The following B3GNT5 variants were observed in gnomAD, a reference collection of about 807,000 sequenced individuals.
B3GNT5 encodes lactosylceramide 1,3-N-acetyl-beta-D-glucosaminyltransferase.
A neutral mutation model predicts 25.9 loss-of-function variants in B3GNT5; 11 were observed. The observed-to-expected ratio is 0.42, with a 90% confidence interval of 0.27 to 0.70. The LOEUF is 0.70. Ranked by LOEUF, B3GNT5 falls within the 30% of genes least tolerant of loss-of-function variation. The pLI is 0.23. For synonymous variants in B3GNT5, 166 were observed against 158.6 expected (o/e 1.05, Z -0.35); for missense variants, 385 against 458.4 (o/e 0.84, Z 1.46).
chr3:183,258,645 C>A (rs1307250489), intron 1 of B3GNT5, among the ~76,000 whole-genome samples: 2 of 152,172 alleles, frequency 1.3e-5, no homozygotes, highest in African/African-American at 2.4e-5. Flanking sequence ...GACACCACCC[C>A]CCCGCCCCTG....
At chr3:183,257,108 CACAA>C (rs1389590611) in intron 1 of B3GNT5, among the ~76,000 whole-genome samples, 2 of 152,132 alleles carry the variant, frequency 1.3e-5, no homozygotes, top group South Asian at 2.1e-4. Context: ...GGTAAAGCTA[CACAA>C]ACAGATTCTA....
chr3:183,269,014 T>A (rs1159110005), intron 1 of B3GNT5, among the ~76,000 whole-genome samples: 2 of 150,670 alleles, frequency 1.3e-5, no homozygotes, highest in Non-Finnish European at 1.5e-5. Context: ...AACCTTAATT[T>A]AAAAAAAAAG....
At chr3:183,262,498 C>T (rs147311116) in intron 1 of B3GNT5, among the ~76,000 whole-genome samples, 64 of 152,122 alleles carry the variant, frequency 4.2e-4, no homozygotes, top group Middle Eastern at 3.4e-3. Flanking sequence ...ATACTGACTA[C>T]GGAGTTTTTG....
At chr3:183,253,831 C>G (rs1724744129) in intron 1 of B3GNT5, 1 of 152,304 alleles carries the variant, frequency 6.6e-6, no homozygotes, top group Non-Finnish European at 1.5e-5. Context: ...AGTCTGTGGT[C>G]AGTTACGTGG....
chr3:183,270,878 T>G lies in B3GNT5; in HGVS notation c.1080T>G (p.Ile360Met). The G allele has an allele frequency of 1.9e-6, 3 of 1,609,106 alleles. No individual in the cohort carries two copies. Among genetic ancestry groups the G allele is most frequent in the Non-Finnish European group, 2.5e-6 (3 of 1,178,466 alleles). ...GQIYCRLMKI[I>M]LLCKISYVDT... ...TATACTGCAGATTAATGAAGATAAT[T>G]CTCCTTTGTAAAATTAGCTATGTGG... The change falls in exon 2 of 2, where the codon ATT (isoleucine) becomes ATG (methionine). Residue 360 changes from isoleucine to methionine, a missense_variant. Ile to Met is a conservative substitution (Grantham distance 10, BLOSUM62 1). Transcript: ENST00000326505. This position sits in a 1 kb window ranked among gnomAD's most constrained non-coding sequence, Gnocchi z 4.5.
chr3:183,256,814 G>A (rs567787130), intron 1 of B3GNT5, among the ~76,000 whole-genome samples: 1 of 140,874 alleles, frequency 7.1e-6, no homozygotes, highest in East Asian at 2.0e-4. Flanking sequence ...TAATTGAAAT[G>A]TATTTTAAGT....
chr3:183,269,772 C>CCTAA lies in B3GNT5; in HGVS notation c.-22_-19dup. 1 of 1,572,576 alleles carries CCTAA rather than the reference C, an allele frequency of 6.4e-7. No individual in the cohort carries two copies. Among genetic ancestry groups the CCTAA allele is most frequent in the East Asian group, 2.2e-5 (1 of 44,740 alleles). ...AAGCCCGTGCCTGTTTAAAACTGATCCTAACTAAAAACAGACTTGAGTGGA... is the reference window on the plus strand; with the variant it reads ...AAGCCCGTGCCTGTTTAAAACTGATCCTAACTAACTAAAAACAGACTTGAGTGGA... On this transcript the variant is annotated 5_prime_UTR_variant, in exon 2 of 2. Transcript: ENST00000326505.
Position 183,267,207 on chromosome 3 carries a change from T to C in B3GNT5, c.-301-2291T>C, listed in dbSNP as rs1440494735. Among the ~76,000 whole-genome samples the C allele has an allele frequency of 1.3e-5, 2 of 151,764 alleles. No homozygotes were observed. Among genetic ancestry groups the C allele is most frequent in the Non-Finnish European group, 2.9e-5 (2 of 68,032 alleles). On this transcript the variant is annotated intron_variant, in intron 1 of 1. Coordinates refer to ENST00000326505, the MANE Select transcript of B3GNT5 (RefSeq NM_032047.5). This position sits in a 1 kb window ranked among gnomAD's most constrained non-coding sequence, Gnocchi z 5.5. ...TGCTCTTACTACTCTCAGTACACTCTGTATTTAAAAAAAAAAATGCTGGTT... is the reference window on the plus strand; with the variant it reads ...TGCTCTTACTACTCTCAGTACACTCCGTATTTAAAAAAAAAAATGCTGGTT...
chr3:183,262,812 G>A (rs1027557978), intron 1 of B3GNT5, among the ~76,000 whole-genome samples: 7 of 152,118 alleles, frequency 4.6e-5, no homozygotes, highest in African/African-American at 7.2e-5. Flanking sequence ...GAACAGTCAC[G>A]TAGCACTGAA....
At chr3:183,256,200 C>T (rs1725029810) in intron 1 of B3GNT5, among the ~76,000 whole-genome samples, 1 of 152,134 alleles carries the variant, frequency 6.6e-6, no homozygotes, top group Non-Finnish European at 1.5e-5. Context: ...GTTAGAATAA[C>T]CTTGTAAGGA....
chr3:183,260,618 G>A (rs1045423399), intron 1 of B3GNT5, among the ~76,000 whole-genome samples: 17 of 152,024 alleles, frequency 1.1e-4, no homozygotes, highest in Admixed American at 1.0e-3. Context: ...CGTTAATAAA[G>A]ACTTAGGGTC....
chr3:183,272,522 ATTTT>A lies in B3GNT5; in HGVS notation c.*1591_*1594del, dbSNP rs1350633862. 2.0e-6 allele frequency: 2 copies of A among 993,842 alleles called. No homozygotes were observed. The highest frequency in any genetic ancestry group is 2.4e-6 in the Non-Finnish European group (2 of 824,616). The allele number at this position is 993,842 out of a possible 1,614,324, so 61.6% of individuals were successfully genotyped here. A position where few individuals can be genotyped will look rare whatever the true frequency, so the allele number is the denominator to read the frequency against. On this transcript the variant is annotated 3_prime_UTR_variant, in exon 2 of 2. Coordinates refer to ENST00000326505, the MANE Select transcript of B3GNT5 (RefSeq NM_032047.5). ...CTTTTTAATGTTTACAGAAATTTTAATTTTTTTCTATTTTGAAATTTGAGGCTTG... is the reference window on the plus strand; with the variant it reads ...CTTTTTAATGTTTACAGAAATTTTAATTTCTATTTTGAAATTTGAGGCTTG...
chr3:183,257,890 T>A (rs28731202), intron 1 of B3GNT5, among the ~76,000 whole-genome samples: 1 of 150,984 alleles, frequency 6.6e-6, no homozygotes, highest in Non-Finnish European at 1.5e-5. Flanking sequence ...TTTTCTCTTA[T>A]GTGCTTAAAA....
intron 1 of B3GNT5, among the ~76,000 whole-genome samples, chr3:183,260,168 G>A (rs1725455489): frequency 6.6e-6 from 1 of 152,048 alleles, no homozygotes; most frequent in African/African-American, 2.4e-5. Flanking sequence ...TGGTTAACTC[G>A]GTATCTCGAT....
In B3GNT5 at chr3:183,272,816, G is replaced by T; in HGVS notation, c.*1881G>T. 8.3e-7 allele frequency: 1 copy of T among 1,208,362 alleles called. No individual in the cohort carries two copies. Among genetic ancestry groups the T allele is most frequent in the Non-Finnish European group, 1.0e-6 (1 of 960,490 alleles). 74.9% of individuals were successfully genotyped at this position (1,208,362 alleles called of 1,614,324 possible). On this transcript the variant is annotated 3_prime_UTR_variant, in exon 2 of 2. Transcript: ENST00000326505. ...TGTATCTATACTTGGAAGTGTTTAA[G>T]GTTGCCATTGGTTGAAAACATAAGT...
At chr3:183,264,438 T>A (rs1481218589) in intron 1 of B3GNT5, among the ~76,000 whole-genome samples, 1 of 152,246 alleles carries the variant, frequency 6.6e-6, no homozygotes, top group African/African-American at 2.4e-5. Flanking sequence ...GGAACTATGC[T>A]TTCATGTGGG....
intron 1 of B3GNT5, chr3:183,253,865 C>T (rs1724748926): frequency 6.6e-6 from 1 of 152,238 alleles, no homozygotes; most frequent in Non-Finnish European, 1.5e-5. Flanking sequence ...GTGCCGCGGC[C>T]GCATCTTTCC....
chr3:183,271,054 C>T lies in B3GNT5; in HGVS notation c.*119C>T, dbSNP rs1726729416. The T allele has an allele frequency of 1.1e-6, 1 of 928,276 alleles. No homozygotes were observed. The allele number at this position is 928,276 out of a possible 1,614,324, so 57.5% of individuals were successfully genotyped here. A position where few individuals can be genotyped will look rare whatever the true frequency, so the allele number is the denominator to read the frequency against. ...GACGAAAGACAAATATTTTGAAAGC[C>T]TAGTCCATCAGAATGTTTCTTTGAT... is the stretch of plus-strand genomic sequence containing the variant. On this transcript the variant is annotated 3_prime_UTR_variant, in exon 2 of 2. Coordinates refer to ENST00000326505, the MANE Select transcript of B3GNT5 (RefSeq NM_032047.5).
rs1484436918 is a variant in B3GNT5 at position 183,272,991 on chromosome 3, C to G, written c.*2056C>G. The G allele has an allele frequency of 6.8e-7, 1 of 1,478,244 alleles. No homozygotes were observed. The highest frequency in any genetic ancestry group is 1.5e-5 in the African/African-American group (1 of 68,336). The allele number at this position is 1,478,244 out of a possible 1,614,324, so 91.6% of individuals were successfully genotyped here. On this transcript the variant is annotated 3_prime_UTR_variant, in exon 2 of 2. Coordinates refer to ENST00000326505, the MANE Select transcript of B3GNT5 (RefSeq NM_032047.5). ...TAAATTTCAAGGAAATATGAAGGCA[C>G]TTCCTTTTTTTCTAAGAAGGAAGTT...
Sources: gnomAD v4.1 joint callset for allele counts (sites outside exome capture counted in the v4.1 genomes callset) on GRCh38, gnomAD v4.1.1 for gene constraint, Gnocchi (gnomAD v3.1) non-coding constraint, MANE v1.5 for transcripts, NCBI Gene and HGNC (gene_info 2026-07-23, HGNC 2026-07-21) for gene names.